Variants in SOX5 observed in about 807,000 individuals in gnomAD.
The protein encoded by SOX5 is SRY-box transcription factor 5, also known as transcription factor SOX-5.
Under a neutral mutation model 92.0 loss-of-function variants are expected in SOX5, and 9 were observed. That is an observed-to-expected ratio of 0.10 (90% CI 0.06 to 0.17). The LOEUF is 0.17. Among genes scored for constraint, SOX5 ranks in the 10% least tolerant of loss-of-function variants. The pLI is 1.00. For missense variants in SOX5, 642 were observed against 944.5 expected (o/e 0.68, Z 4.20); for synonymous variants, 344 against 336.3 (o/e 1.02, Z -0.25).
chr12:24,519,167 T>C (rs1302938972), intron 1 of SOX5, among the ~76,000 whole-genome samples: 1 of 152,144 alleles, frequency 6.6e-6, no homozygotes, highest in Admixed American at 6.5e-5. Context: ...TACGTGAATT[T>C]TTTTCTTTTT....
intron 1 of SOX5, among the ~76,000 whole-genome samples, chr12:24,542,803 G>A (rs1358932276): frequency 6.6e-6 from 1 of 152,160 alleles, no homozygotes; most frequent in Non-Finnish European, 1.5e-5. Flanking sequence ...CGTAACACTG[G>A]GATGAAAATG....
intron 2 of SOX5, among the ~76,000 whole-genome samples, chr12:23,868,179 GGTTTAA>G (rs2096835964): frequency 6.6e-6 from 1 of 151,368 alleles, no homozygotes; most frequent in Admixed American, 6.6e-5. Context: ...AATATTAGCT[GGTTTAA>G]TAAGATTTCC....
intron 1 of SOX5, among the ~76,000 whole-genome samples, chr12:24,427,210 C>T (rs1393446821): frequency 6.6e-6 from 1 of 152,138 alleles, no homozygotes; most frequent in Non-Finnish European, 1.5e-5. Flanking sequence ...TTCTATCTGG[C>T]ATGAAAAGTT....
intron 3 of SOX5, among the ~76,000 whole-genome samples, chr12:23,804,956 T>C (rs2095740447): frequency 2.0e-4 from 2 of 10,056 alleles, no homozygotes; most frequent in Admixed American, 1.2e-3. Flanking sequence ...TATATATATA[T>C]ATATATATAT....
intron 6 of SOX5, among the ~76,000 whole-genome samples, chr12:23,719,394 A>C (rs768501915): frequency 5.3e-5 from 8 of 152,196 alleles, no homozygotes; most frequent in Non-Finnish European, 1.0e-4. Flanking sequence ...AGCTCTCCTC[A>C]TAACTATAAA....
chr12:24,532,493 C>A (rs1951284612), intron 1 of SOX5, among the ~76,000 whole-genome samples: 1 of 152,120 alleles, frequency 6.6e-6, no homozygotes, highest in Non-Finnish European at 1.5e-5. Flanking sequence ...GGACACAGAC[C>A]CAGGAGCCAT....
intron 9 of SOX5, among the ~76,000 whole-genome samples, chr12:23,589,189 T>A (rs1951171840): frequency 6.7e-6 from 1 of 149,226 alleles, no homozygotes; most frequent in African/African-American, 2.5e-5. Flanking sequence ...TTTGAGATAA[T>A]TTTTTTTTTG....
intron 1 of SOX5, among the ~76,000 whole-genome samples, chr12:24,502,935 A>C (rs1351546954): frequency 6.6e-6 from 1 of 152,224 alleles, no homozygotes; most frequent in Non-Finnish European, 1.5e-5. Flanking sequence ...AAAATAATTG[A>C]CTAGCACTCA....
chr12:24,375,167 G>C (rs1362317699), intron 1 of SOX5, among the ~76,000 whole-genome samples: 2 of 151,554 alleles, frequency 1.3e-5, no homozygotes, highest in African/African-American at 4.8e-5. Flanking sequence ...TAGAGACGGG[G>C]TTTCACCGTG....
At chr12:23,631,488 T>C (rs1193244725) in intron 8 of SOX5, among the ~76,000 whole-genome samples, 1 of 152,072 alleles carries the variant, frequency 6.6e-6, no homozygotes, top group Non-Finnish European at 1.5e-5. Flanking sequence ...TTCAATAAAT[T>C]GGTATTGCTC....
intron 4 of SOX5, among the ~76,000 whole-genome samples, chr12:23,956,570 A>G (rs951930618): frequency 6.6e-6 from 1 of 152,074 alleles, no homozygotes; most frequent in Non-Finnish European, 1.5e-5. Flanking sequence ...TCCCACCCCC[A>G]TGGAAAAATT....
chr12:24,100,742 C>A (rs1945993674), intron 4 of SOX5, among the ~76,000 whole-genome samples: 1 of 152,044 alleles, frequency 6.6e-6, no homozygotes, highest in African/African-American at 2.4e-5. Context: ...CTTAATAAAT[C>A]CAAACAGAGC....
intron 1 of SOX5, among the ~76,000 whole-genome samples, chr12:23,898,551 T>C (rs1355852845): frequency 6.6e-6 from 1 of 152,158 alleles, no homozygotes; most frequent in Non-Finnish European, 1.5e-5. Flanking sequence ...AAACTGAAAG[T>C]CCAAAAGTAG....
chr12:24,246,623 G>A (rs937805137), intron 3 of SOX5, among the ~76,000 whole-genome samples: 2 of 152,068 alleles, frequency 1.3e-5, no homozygotes, highest in Admixed American at 6.6e-5. Flanking sequence ...ATTCTTGGAA[G>A]AGAAGTAGTG....
chr12:24,420,396 C>T (rs1249649102), intron 1 of SOX5, among the ~76,000 whole-genome samples: 1 of 152,120 alleles, frequency 6.6e-6, no homozygotes, highest in Non-Finnish European at 1.5e-5. Flanking sequence ...CAAAAGCCAA[C>T]TTGAAAGGGT....
At chr12:23,667,939 G>T (rs2084093711) in intron 6 of SOX5, among the ~76,000 whole-genome samples, 1 of 152,132 alleles carries the variant, frequency 6.6e-6, no homozygotes, top group African/African-American at 2.4e-5. Context: ...TTCTGTATTT[G>T]CAAATTTGCC....
At chr12:24,128,413 C>T (rs1762005786) in intron 4 of SOX5, among the ~76,000 whole-genome samples, 2 of 152,014 alleles carry the variant, frequency 1.3e-5, no homozygotes, top group Admixed American at 1.3e-4. Flanking sequence ...CAAAATGATA[C>T]CAAATACTGT....
intron 1 of SOX5, among the ~76,000 whole-genome samples, chr12:24,500,475 C>T (rs1235360821): frequency 6.6e-6 from 1 of 152,038 alleles, no homozygotes; most frequent in Non-Finnish European, 1.5e-5. Context: ...TTTAAAATAA[C>T]ACTTGTATAA....
intron 4 of SOX5, among the ~76,000 whole-genome samples, chr12:24,083,240 C>T (rs1319910928): frequency 2.6e-5 from 4 of 151,912 alleles, no homozygotes; most frequent in African/African-American, 7.3e-5. Context: ...ATTAAAGGAC[C>T]TCCTTCCCTG....
Sources: gnomAD v4.1 joint callset for allele counts (sites outside exome capture counted in the v4.1 genomes callset) on GRCh38, gnomAD v4.1.1 for gene constraint, MANE v1.5 for transcripts, NCBI Gene and HGNC (gene_info 2026-07-23, HGNC 2026-07-21) for gene names.